PICALM: variants seen among roughly 807,000 people sequenced by gnomAD.
The protein encoded by PICALM is phosphatidylinositol-binding clathrin assembly protein.
Under a neutral mutation model 80.5 loss-of-function variants are expected in PICALM, and 40 were observed. That is an observed-to-expected ratio of 0.50 (90% CI 0.39 to 0.65). The LOEUF (loss-of-function observed/expected upper bound fraction) is 0.65. PICALM is among the 30% of genes least tolerant of loss of function. The pLI, the probability that PICALM is intolerant of heterozygous loss-of-function variation, is 0.00. For missense variants in PICALM, 676 were observed against 778.9 expected (o/e 0.87, Z 1.57); for synonymous variants, 288 against 260.3 (o/e 1.11, Z -1.02).
chr11:86,068,620 G>C, intron 1 of PICALM, 31 bp downstream of exon 1: 1 of 1,594,544 alleles, frequency 6.3e-7, no homozygotes, highest in South Asian at 1.1e-5. Context: ...GCGGGCGCCG[G>C]GGAGCGGGGG....
chr11:86,029,969 G>A (rs1470407809), intron 2 of PICALM, among the ~76,000 whole-genome samples: 1 of 152,102 alleles, frequency 6.6e-6, no homozygotes, highest in African/African-American at 2.4e-5. Context: ...GTAACACTTA[G>A]GGGAAATCAT....
At chr11:85,977,981 G>GT (rs1174915224) in intron 17 of PICALM, 10 of 942,646 alleles carry the variant, frequency 1.1e-5, no homozygotes, top group Non-Finnish European at 1.7e-5. Flanking sequence ...GTGAAAACAA[G>GT]TAATAGCTGA....
At chr11:86,043,764 A>G (rs759990180) in intron 1 of PICALM, among the ~76,000 whole-genome samples, 3 of 152,220 alleles carry the variant, frequency 2.0e-5, no homozygotes, top group Non-Finnish European at 2.9e-5. Flanking sequence ...TAGGTAGGTT[A>G]AAGTTTTTCG....
intron 1 of PICALM, among the ~76,000 whole-genome samples, chr11:86,034,090 G>A (rs2095802544): frequency 6.6e-6 from 1 of 152,028 alleles, no homozygotes; most frequent in South Asian, 2.1e-4. Flanking sequence ...TTATTTTGAA[G>A]GATAACTCCA....
intron 1 of PICALM, among the ~76,000 whole-genome samples, chr11:86,048,221 T>TA (rs1010668956): frequency 6.6e-6 from 1 of 152,250 alleles, no homozygotes; most frequent in Non-Finnish European, 1.5e-5. Flanking sequence ...CTTTCTAACT[T>TA]AGCTGCCAGT....
At chr11:86,005,833 C>A (rs1300737278) in intron 8 of PICALM, among the ~76,000 whole-genome samples, 1 of 151,424 alleles carries the variant, frequency 6.6e-6, no homozygotes, top group Non-Finnish European at 1.5e-5. Flanking sequence ...TTACCACCAT[C>A]GTCCCTAAAG....
intron 12 of PICALM, among the ~76,000 whole-genome samples, chr11:85,996,386 A>G (rs2094961231): frequency 6.6e-6 from 1 of 152,108 alleles, no homozygotes; most frequent in Non-Finnish European, 1.5e-5. Context: ...TATGGTCACA[A>G]CATGTTCCCT....
intron 17 of PICALM, among the ~76,000 whole-genome samples, chr11:85,977,847 T>C (rs1471491083): frequency 1.3e-5 from 2 of 152,098 alleles, no homozygotes; most frequent in Non-Finnish European, 2.9e-5. Context: ...TGGCAGCAAA[T>C]GGCGGAATAT....
chr11:86,037,420 C>T (rs760446065), intron 1 of PICALM, among the ~76,000 whole-genome samples: 15 of 151,576 alleles, frequency 9.9e-5, no homozygotes, highest in Non-Finnish European at 1.2e-4. Context: ...CTACCACGCC[C>T]GGCTAATTTT....
At position 85,964,670 on chromosome 11, in the gene PICALM, T is replaced by C. The variant is rs370086563; in HGVS notation, c.1945-5610A>G. On this transcript the variant is annotated intron_variant, in intron 19 of 19. Coordinates refer to ENST00000393346, the MANE Select transcript of PICALM (RefSeq NM_007166.4). Reference sequence around the variant, plus strand: ...ATTGCCTCTGTGTTGTTCTTGCTCCTCTGCCGTGCTCTGTTATGTCTTTCT... The same window carrying C: ...ATTGCCTCTGTGTTGTTCTTGCTCCCCTGCCGTGCTCTGTTATGTCTTTCT... Among the ~76,000 whole-genome samples the C allele has an allele frequency of 8.5e-3, 451 of 53,156 alleles. 3 individuals are homozygous for C. The highest frequency in any genetic ancestry group is 0.04 in the African/African-American group (433 of 10,950). The allele number at this position is 53,156 out of a possible 152,430, so 34.9% of individuals were successfully genotyped here. A position where few individuals can be genotyped will look rare whatever the true frequency, so the allele number is the denominator to read the frequency against.
chr11:85,961,380 G>GT (rs1387226871), intron 19 of PICALM, among the ~76,000 whole-genome samples: 32 of 152,312 alleles, frequency 2.1e-4, no homozygotes, highest in Admixed American at 1.6e-3. Context: ...GTCACCTACT[G>GT]TAACTGTCCA....
At chr11:86,061,346 A>G (rs1007856918) in intron 1 of PICALM, among the ~76,000 whole-genome samples, 3 of 146,266 alleles carry the variant, frequency 2.1e-5, no homozygotes, top group South Asian at 2.2e-4. Context: ...AAAAAAAAAA[A>G]AAAAAAAAAG....
At chr11:86,019,945 C>T (rs535541046) in intron 4 of PICALM, among the ~76,000 whole-genome samples, 3 of 152,096 alleles carry the variant, frequency 2.0e-5, no homozygotes, top group Non-Finnish European at 2.9e-5. Flanking sequence ...TCTGTACATG[C>T]CAGATTCCCT....
chr11:86,025,754 T>C (rs1362020134), intron 3 of PICALM, among the ~76,000 whole-genome samples: 1 of 151,988 alleles, frequency 6.6e-6, no homozygotes, highest in Non-Finnish European at 1.5e-5. Flanking sequence ...AGACGGGGTT[T>C]CACCATGTTG....
intron 9 of PICALM, among the ~76,000 whole-genome samples, chr11:86,001,796 C>T (rs2095153483): frequency 6.6e-6 from 1 of 152,176 alleles, no homozygotes; most frequent in Non-Finnish European, 1.5e-5. Flanking sequence ...AAGGCACCTC[C>T]TTTCCCTTTT....
At chr11:86,049,425 T>G (rs2096138341) in intron 1 of PICALM, among the ~76,000 whole-genome samples, 1 of 152,240 alleles carries the variant, frequency 6.6e-6, no homozygotes, top group South Asian at 2.1e-4. Context: ...CCACTCCATT[T>G]TGTATGTATC....
At chr11:85,978,788 T>A (rs2094354427) in intron 17 of PICALM, 1 of 152,216 alleles carries the variant, frequency 6.6e-6, no homozygotes, top group African/African-American at 2.4e-5. Flanking sequence ...ATTTTAGTAG[T>A]CAGTCTTAAG....
At chr11:85,986,125 TA>T (rs139815446) in intron 13 of PICALM, among the ~76,000 whole-genome samples, 9,962 of 151,712 alleles carry the variant, frequency 0.066, 592 homozygotes, top group Non-Finnish European at 0.087. Context: ...AGGGAAAAAG[TA>T]AAAAAAAGTT....
chr11:85,972,374 G>T lies in PICALM; in HGVS notation c.1944+2334C>A, dbSNP rs138266485. 3.1e-3 allele frequency among the ~76,000 whole-genome samples: 473 copies of T among 152,274 alleles called. 4 individuals are homozygous for T. The highest frequency in any genetic ancestry group is 0.011 in the South Asian group (51 of 4,828). On this transcript the variant is annotated intron_variant, in intron 19 of 19. Transcript: ENST00000393346. ...CTAGCAGAGAGACTGTGGTATAAATGAGCACTGGACTAGGAATCAGACACA... is the reference window on the plus strand; with the variant it reads ...CTAGCAGAGAGACTGTGGTATAAATTAGCACTGGACTAGGAATCAGACACA...
Sources: gnomAD v4.1 joint callset for allele counts (sites outside exome capture counted in the v4.1 genomes callset) on GRCh38, gnomAD v4.1.1 for gene constraint, MANE v1.5 for transcripts, NCBI Gene and HGNC (gene_info 2026-07-23, HGNC 2026-07-21) for gene names.